The following AFDN variants were observed in gnomAD, a reference collection of about 807,000 sequenced individuals.
AFDN encodes the protein afadin.
Under a neutral mutation model 216.6 loss-of-function variants are expected in AFDN, and 68 were observed. That is an observed-to-expected ratio of 0.31 (90% CI 0.26 to 0.38). AFDN has a LOEUF of 0.38. Ranked by LOEUF, AFDN falls within the 10% of genes least tolerant of loss-of-function variation. The pLI is 1.00. For missense variants in AFDN, 2,136 were observed against 2,342.0 expected (o/e 0.91, Z 1.82); for synonymous variants, 868 against 853.7 (o/e 1.02, Z -0.29).
intron 21 of AFDN, among the ~76,000 whole-genome samples, chr6:167,919,889 G>A (rs573671884): frequency 6.6e-5 from 10 of 152,264 alleles, no homozygotes; most frequent in South Asian, 6.2e-4. Flanking sequence ...TTTTATGCCC[G>A]TAGGTATATA....
chr6:167,891,404 GGTGGGTGTGTGTGT>G lies in AFDN; in HGVS notation c.1177+379_1177+392del, dbSNP rs1406984626. On this transcript the variant is annotated intron_variant, in intron 8 of 33. Transcript: ENST00000683244. ...TTACCTAGGGCAGATTTCATAAAGGGGTGGGTGTGTGTGTGTGTGTGTGTGTGTGTGTGTGTGTG... is the reference window on the plus strand; with the variant it reads ...TTACCTAGGGCAGATTTCATAAAGGGGTGTGTGTGTGTGTGTGTGTGTGTG... Among the ~76,000 whole-genome samples the G allele has an allele frequency of 1.0e-3, 144 of 138,146 alleles. 1 individual carries two copies. The East Asian group carries it at 0.013, about 13-fold the overall frequency. The allele number at this position is 138,146 out of a possible 152,430, so 90.6% of individuals were successfully genotyped here. A position where few individuals can be genotyped will look rare whatever the true frequency, so the allele number is the denominator to read the frequency against.
In AFDN at chr6:167,967,933, G is replaced by A. The variant is rs552678873; in HGVS notation, c.5258-1181G>A. ...TGGACAGTGAGAGGAGCAGCATTAG[G>A]ATGTGAATGAGTAATGCCAGATTTG... On this transcript the variant is annotated intron_variant, in intron 32 of 33. Transcript: ENST00000683244. Among the ~76,000 whole-genome samples the A allele has an allele frequency of 5.3e-5, 8 of 152,272 alleles. No individual in the cohort carries two copies. The South Asian group carries it at 1.7e-3, about 32-fold the overall frequency.
rs772922871 is a variant in AFDN, at chr6:167,962,528, G to T, written c.4929G>T (p.Arg1643=). The T allele has an allele frequency of 6.2e-7, 1 of 1,613,886 alleles. No individual in the cohort carries two copies. Among genetic ancestry groups the T allele is most frequent in the African/African-American group, 1.3e-5 (1 of 75,006 alleles). Residue 1643 remains arginine (R), a synonymous_variant, in exon 31 of 34, where the codon CGG becomes CGT. Transcript: ENST00000683244. The surrounding 1 kb of genome is among the most constrained non-coding windows in gnomAD (Gnocchi z 5.2). Reference sequence around the variant, plus strand: ...CGAGGCAAGAGGAAGAGCGCCGGCGGCAGGAGGAGGAGCGAACAAAACGAG... The same window carrying T: ...CGAGGCAAGAGGAAGAGCGCCGGCGTCAGGAGGAGGAGCGAACAAAACGAG... The part of the protein sequence containing the change: ...DRARQEEERR[R]QEEERTKRDA...
intron 23 of AFDN, among the ~76,000 whole-genome samples, chr6:167,935,046 C>A (rs1242677135): frequency 1.3e-5 from 2 of 152,120 alleles, no homozygotes; most frequent in Non-Finnish European, 2.9e-5. Context: ...TTTTTGATAA[C>A]TTTTTGTTCA....
At chr6:167,952,265 A>T (rs1349646316) in intron 30 of AFDN, 78 bp downstream of exon 30, 1 of 1,607,998 alleles carries the variant, frequency 6.2e-7, no homozygotes, top group South Asian at 1.1e-5. Context: ...GGGGATAGCT[A>T]GGCCCCTGAT....
rs1031913534 is a variant in AFDN at position 167,898,196 on chromosome 6, G to T, written c.1318-9G>T. 1.2e-6 allele frequency: 2 copies of T among 1,611,854 alleles called. No individual in the cohort carries two copies. Among genetic ancestry groups the T allele is most frequent in the South Asian group, 1.1e-5 (1 of 90,920 alleles). ...GATGGGAGTTTCTTTGGTTTCCTTC[G>T]GTTTCCAGTTGTTTGGCCCAGGAAT... On this transcript the variant is annotated splice_polypyrimidine_tract_variant and intron_variant, in intron 10 of 33. Coordinates refer to ENST00000683244, the MANE Select transcript of AFDN (RefSeq NM_001386888.1).
intron 29 of AFDN, among the ~76,000 whole-genome samples, chr6:167,950,397 T>C (rs1795831721): frequency 7.4e-6 from 1 of 135,244 alleles, no homozygotes; most frequent in Non-Finnish European, 1.6e-5. Flanking sequence ...TTTCTCTGTG[T>C]CTGTGTGTGT....
At position 167,898,476 on chromosome 6, in the gene AFDN, A is replaced by G. The variant is rs1284707812; in HGVS notation, c.1580+9A>G. The G allele has an allele frequency of 1.9e-6, 3 of 1,611,254 alleles. No individual in the cohort carries two copies. The highest frequency in any genetic ancestry group is 2.5e-6 in the Non-Finnish European group (3 of 1,178,080). On this transcript the variant is annotated intron_variant, in intron 11 of 33. Coordinates refer to ENST00000683244, the MANE Select transcript of AFDN (RefSeq NM_001386888.1). ...CCAAGACATAAACCTGGGTAAATAG[A>G]TTAACCCTAAGATTTAAAATGTTTT...
At position 167,951,612 on chromosome 6, in the gene AFDN, G is replaced by A; in HGVS notation, c.4258G>A (p.Glu1420Lys). The A allele has an allele frequency of 6.2e-7, 1 of 1,614,110 alleles. No individual in the cohort carries two copies. The highest frequency in any genetic ancestry group is 8.5e-7 in the Non-Finnish European group (1 of 1,180,018). Residue 1420 changes from glutamate (E) to lysine (K), a missense_variant, in exon 30 of 34, where the codon GAA becomes AAA. Physicochemically the swap from Glu to Lys is moderately conservative, Grantham distance 56. Transcript: ENST00000683244. This position sits in a 1 kb window ranked among gnomAD's most constrained non-coding sequence, Gnocchi z 7.1. ...QVAAAERRKR[E>K]EHQRWYEKEK... ...GGCTGCTGCTGAACGGAGAAAGAGA[G>A]AAGAACATCAGCGTTGGTATGAGAA...
intron 30 of AFDN, among the ~76,000 whole-genome samples, chr6:167,954,679 T>C (rs1796324125): frequency 6.6e-6 from 1 of 152,204 alleles, no homozygotes; most frequent in Admixed American, 6.5e-5. Flanking sequence ...ACTCTTTGCT[T>C]TTCTCCGTTA....
At chr6:167,889,667 C>T (rs193018894) in intron 7 of AFDN, among the ~76,000 whole-genome samples, 105 of 152,308 alleles carry the variant, frequency 6.9e-4, no homozygotes, top group Non-Finnish European at 2.4e-4. Context: ...CTTTCTGCCT[C>T]CTTCATTAAC....
rs1452093692 is a variant in AFDN, at chr6:167,898,214, C to G, written c.1327C>G (p.Pro443Ala). ...LDDNSIQLFG[P>A]GIQPHHCDLT... ...TTCCTTCGGTTTCCAGTTGTTTGGC[C>G]CAGGAATTCAGCCCCATCACTGTGA... is the stretch of plus-strand genomic sequence containing the variant. Residue 443 changes from proline to alanine, a missense_variant, in exon 11 of 34, where the codon CCA (proline) becomes GCA (alanine). This residue lies in a region of AFDN where 817 missense variants were observed against 965.7 expected (regional missense o/e 0.85). Transcript: ENST00000683244. 1 of 1,613,274 alleles carries G rather than the reference C, an allele frequency of 6.2e-7. No homozygotes were observed. Among genetic ancestry groups the G allele is most frequent in the Non-Finnish European group, 8.5e-7 (1 of 1,179,414 alleles).
chr6:167,969,908 A>T lies in AFDN; in HGVS notation c.5469A>T (p.Glu1823Asp), dbSNP rs767020196. 6.2e-7 allele frequency: 1 copy of T among 1,611,254 alleles called. No individual in the cohort carries two copies. The highest frequency in any genetic ancestry group is 8.5e-7 in the Non-Finnish European group (1 of 1,179,248). The change falls in exon 34 of 34, where the codon GAA becomes GAT. Residue 1823 changes from glutamate (E) to aspartate (D), a missense_variant. Glu to Asp is a conservative substitution (Grantham distance 45). Transcript: ENST00000683244. ...TGAAAGCTTCTCGTAAATTAACAGAACTGGAGAATGAACTGAACACAAAGT... is the reference window on the plus strand; with the variant it reads ...TGAAAGCTTCTCGTAAATTAACAGATCTGGAGAATGAACTGAACACAAAGT... ...NKVKASRKLT[E>D]LENELNTK is the part of the protein sequence containing the mutation.
intron 2 of AFDN, among the ~76,000 whole-genome samples, chr6:167,867,759 G>A (rs1784351537): frequency 6.6e-6 from 1 of 152,028 alleles, no homozygotes; most frequent in African/African-American, 2.4e-5. Flanking sequence ...TAGTCTCATG[G>A]CCTCCTATTT....
intron 22 of AFDN, among the ~76,000 whole-genome samples, chr6:167,923,421 T>A (rs1792076369): frequency 6.6e-6 from 1 of 152,186 alleles, no homozygotes; most frequent in African/African-American, 2.4e-5. Flanking sequence ...AGAACAATTC[T>A]ACTTTGCCTC....
At chr6:167,875,575 T>G in intron 5 of AFDN, 80 bp downstream of exon 5, 1 of 1,449,254 alleles carries the variant, frequency 6.9e-7, no homozygotes, top group Non-Finnish European at 9.4e-7. Flanking sequence ...TGAGACTTGC[T>G]TTAACTAAAG....
chr6:167,848,397 G>A (rs982292167), intron 1 of AFDN, among the ~76,000 whole-genome samples: 1 of 152,104 alleles, frequency 6.6e-6, no homozygotes, highest in Non-Finnish European at 1.5e-5. Context: ...CCTCCCCCAA[G>A]AAAACTACTG....
chr6:167,942,055 C>T (rs1020035473), intron 23 of AFDN, among the ~76,000 whole-genome samples: 3 of 152,130 alleles, frequency 2.0e-5, no homozygotes, highest in African/African-American at 7.2e-5. Flanking sequence ...TGACCTGCTA[C>T]AGGCGTTTTG....
intron 23 of AFDN, among the ~76,000 whole-genome samples, chr6:167,927,954 G>A (rs1003881589): frequency 2.0e-5 from 3 of 152,170 alleles, no homozygotes; most frequent in Non-Finnish European, 2.9e-5. Context: ...AAATCTGTGG[G>A]CAGAATGTAA....
Sources: gnomAD v4.1 joint callset for allele counts (sites outside exome capture counted in the v4.1 genomes callset) on GRCh38, gnomAD v4.1.1 for gene constraint, gnomAD v4.1.1 regional missense constraint, Gnocchi (gnomAD v3.1) non-coding constraint, MANE v1.5 for transcripts, NCBI Gene and HGNC (gene_info 2026-07-23, HGNC 2026-07-21) for gene names.